Variants in SLC14A2 observed in about 807,000 individuals in gnomAD.
SLC14A2 encodes urea transporter 2.
In SLC14A2, 91 loss-of-function variants were observed where a neutral mutation model predicts 104.6. That is an observed-to-expected ratio of 0.87 (90% CI 0.73 to 1.04). The LOEUF is 1.04. SLC14A2 is among the 50% of genes least tolerant of loss of function. The pLI is 0.00. For synonymous variants in SLC14A2, 476 were observed against 466.4 expected (o/e 1.02, Z -0.27); for missense variants, 1,189 against 1,156.0 (o/e 1.03, Z -0.41).
intron 1 of SLC14A2, among the ~76,000 whole-genome samples, chr18:45,276,681 T>C (rs1278301804): frequency 2.0e-5 from 3 of 152,354 alleles, no homozygotes; most frequent in Admixed American, 6.5e-5. Flanking sequence ...TTAAAGTAAA[T>C]TGTATTCCTA....
intron 1 of SLC14A2, chr18:45,423,682 A>G (rs1192468031): frequency 6.6e-6 from 1 of 152,228 alleles, no homozygotes; most frequent in Admixed American, 6.5e-5. Flanking sequence ...TCTTTTTAAA[A>G]AAATAATTTT....
chr18:45,668,545 G>C, intron 15 of SLC14A2, 68 bp downstream of exon 15: 1 of 1,547,572 alleles, frequency 6.5e-7, no homozygotes. Context: ...CCAATCCCAT[G>C]ACCGTCTGTC....
chr18:45,297,895 G>T (rs568150230), intron 1 of SLC14A2, among the ~76,000 whole-genome samples: 1 of 152,166 alleles, frequency 6.6e-6, no homozygotes, highest in Non-Finnish European at 1.5e-5. Context: ...CTCTGAAGGA[G>T]AGACTTTACA....
intron 2 of SLC14A2, among the ~76,000 whole-genome samples, chr18:45,523,037 C>T (rs2043537980): frequency 6.6e-6 from 1 of 152,188 alleles, no homozygotes; most frequent in African/African-American, 2.4e-5. Flanking sequence ...CTTACCATGA[C>T]CCCATAAGTG....
intron 1 of SLC14A2, among the ~76,000 whole-genome samples, chr18:45,618,558 A>C (rs924598961): frequency 6.6e-6 from 1 of 150,422 alleles, no homozygotes; most frequent in African/African-American, 2.5e-5. Flanking sequence ...AATCCCAGCT[A>C]CTCGGGAGGC....
chr18:45,182,056 G>A, the SLC14A2 span, among the ~76,000 whole-genome samples: 1 of 149,132 alleles, frequency 6.7e-6, no homozygotes. Flanking sequence ...ACCATTATAT[G>A]TTTTTGTTTA....
Position 45,654,399 on chromosome 18 carries a change from C to T in SLC14A2, c.1352-9386C>T, listed in dbSNP as rs75938192. Among the ~76,000 whole-genome samples, 202 of 152,164 alleles carry T rather than the reference C, an allele frequency of 1.3e-3. 5 individuals are homozygous for T. In the East Asian group the frequency reaches 0.03, roughly 22 times the overall value. ...GAAGGAAGCTGCTTCTTTCTAGTCC[C>T]GATGATCTAGATTCCTCCTACTGCG... On this transcript the variant is annotated intron_variant, in intron 10 of 19. Coordinates refer to ENST00000255226, the MANE Select transcript of SLC14A2 (RefSeq NM_007163.4).
chr18:45,261,921 C>T (rs1402920137), intron 1 of SLC14A2, among the ~76,000 whole-genome samples: 7 of 152,082 alleles, frequency 4.6e-5, no homozygotes, highest in Admixed American at 2.6e-4. Context: ...GGGTATATAC[C>T]CAGTAATGGG....
intron 1 of SLC14A2, among the ~76,000 whole-genome samples, chr18:45,285,298 A>G (rs2084802371): frequency 6.6e-6 from 1 of 152,248 alleles, no homozygotes; most frequent in Admixed American, 6.5e-5. Context: ...TAATGCTCAA[A>G]GAAGCTACGT....
At chr18:45,593,692 T>A (rs2144394707) in intron 2 of SLC14A2, among the ~76,000 whole-genome samples, 1 of 151,986 alleles carries the variant, frequency 6.6e-6, no homozygotes, top group Non-Finnish European at 1.5e-5. Flanking sequence ...GGTTTCACCG[T>A]GTTAGCCAGA....
chr18:45,565,128 C>CTTT (rs879652079), intron 2 of SLC14A2, among the ~76,000 whole-genome samples: 1 of 136,970 alleles, frequency 7.3e-6, no homozygotes, highest in Non-Finnish European at 1.5e-5. Context: ...GCATGTGCTT[C>CTTT]TTTTTTTTTT....
At chr18:45,580,488 C>T (rs2044474262) in intron 2 of SLC14A2, among the ~76,000 whole-genome samples, 1 of 152,116 alleles carries the variant, frequency 6.6e-6, no homozygotes, top group African/African-American at 2.4e-5. Context: ...TTAGAAGTCT[C>T]AGTCTTAGGA....
chr18:45,215,623 G>A (rs191924150), intron 1 of SLC14A2, among the ~76,000 whole-genome samples: 1 of 152,314 alleles, frequency 6.6e-6, no homozygotes, highest in East Asian at 1.9e-4. Flanking sequence ...TTCTTCCATA[G>A]GAGAGAGATG....
the SLC14A2 span, among the ~76,000 whole-genome samples, chr18:45,170,917 C>A: frequency 6.6e-6 from 1 of 152,090 alleles, no homozygotes; most frequent in South Asian, 2.1e-4. Context: ...GGAGAAGATG[C>A]AAAATGTGTA....
At chr18:45,668,499 T>C (rs1173294054) in intron 15 of SLC14A2, 22 bp downstream of exon 15, 2 of 1,613,942 alleles carry the variant, frequency 1.2e-6, no homozygotes, top group Admixed American at 1.7e-5. Context: ...TTTGAAGGGT[T>C]GTGGGTTCAT....
At chr18:45,534,193 T>C (rs1350018650) in intron 2 of SLC14A2, among the ~76,000 whole-genome samples, 7 of 152,100 alleles carry the variant, frequency 4.6e-5, no homozygotes, top group Non-Finnish European at 2.9e-5. Flanking sequence ...TTCACATGCA[T>C]TCCCTCCACG....
At chr18:45,314,984 G>T (rs927127569) in intron 1 of SLC14A2, among the ~76,000 whole-genome samples, 4 of 152,194 alleles carry the variant, frequency 2.6e-5, no homozygotes, top group Non-Finnish European at 5.9e-5. Context: ...GGGTTGCGTG[G>T]ACTGAATGTG....
chr18:45,574,608 G>A (rs73953204), intron 2 of SLC14A2, among the ~76,000 whole-genome samples: 2,246 of 152,260 alleles, frequency 0.015, 57 homozygotes, highest in African/African-American at 0.051. Context: ...CATACCTAGG[G>A]CACAAGTACA....
chr18:45,356,741 C>T (rs969333356), intron 1 of SLC14A2, among the ~76,000 whole-genome samples: 2 of 152,148 alleles, frequency 1.3e-5, no homozygotes, highest in Admixed American at 1.3e-4. Context: ...GAAGCTTTTA[C>T]AAAAATATAG....
Sources: gnomAD v4.1 joint callset for allele counts (sites outside exome capture counted in the v4.1 genomes callset) on GRCh38, gnomAD v4.1.1 for gene constraint, MANE v1.5 for transcripts, NCBI Gene and HGNC (gene_info 2026-07-23, HGNC 2026-07-21) for gene names.